YPEL1: variants seen among roughly 807,000 people sequenced by gnomAD.
YPEL1 encodes protein yippee-like 1.
A neutral mutation model predicts 17.3 loss-of-function variants in YPEL1; 7 were observed. That is an observed-to-expected ratio of 0.40 (90% CI 0.23 to 0.76). The LOEUF (loss-of-function observed/expected upper bound fraction) is 0.76. YPEL1 is among the 30% of genes least tolerant of loss of function. The pLI, the probability that YPEL1 is intolerant of heterozygous loss-of-function variation, is 0.35. For synonymous variants in YPEL1, 59 were observed against 59.6 expected (o/e 0.99, Z 0.05); for missense variants, 91 against 155.5 (o/e 0.59, Z 2.21).
rs861810 is a variant in YPEL1 at position 21,708,980 on chromosome 22, A to G, written c.117+1648T>C. ...TGAGCCACCACGCCCAGCTGATACA[A>G]TTTTTAAAACAGCTCATTGATGACC... On this transcript the variant is annotated intron_variant, in intron 2 of 4. Transcript: ENST00000339468. Among the ~76,000 whole-genome samples, 263 of 152,212 alleles carry G rather than the reference A, an allele frequency of 1.7e-3. 2 individuals carry two copies. The highest frequency in any genetic ancestry group is 2.5e-3 in the Non-Finnish European group (169 of 68,000).
intron 1 of YPEL1, among the ~76,000 whole-genome samples, chr22:21,733,802 G>T (rs2068411446): frequency 6.6e-6 from 1 of 152,146 alleles, no homozygotes; most frequent in Non-Finnish European, 1.5e-5. Context: ...AAACCTATAG[G>T]GTAGCCTCTT....
intron 1 of YPEL1, among the ~76,000 whole-genome samples, chr22:21,715,767 T>C (rs930874423): frequency 1.1e-4 from 14 of 125,176 alleles, no homozygotes; most frequent in Admixed American, 3.9e-4. Flanking sequence ...TTTTCTTTTT[T>C]TTTTTTTTTT....
chr22:21,708,202 C>T (rs1427972364), intron 2 of YPEL1, among the ~76,000 whole-genome samples: 1 of 152,020 alleles, frequency 6.6e-6, no homozygotes, highest in African/African-American at 2.4e-5. Context: ...TCGCCCGGCC[C>T]ATCACCCATG....
intron 2 of YPEL1, among the ~76,000 whole-genome samples, chr22:21,705,075 C>T (rs551880890): frequency 1.3e-5 from 2 of 152,188 alleles, no homozygotes; most frequent in Non-Finnish European, 2.9e-5. Context: ...AAGCAATTCT[C>T]CTGCCTCAGC....
In YPEL1 at chr22:21,728,370, C is replaced by T. The variant is rs532249489; in HGVS notation, c.-165+7245G>A. On this transcript the variant is annotated intron_variant, in intron 1 of 4. Transcript: ENST00000339468. ...CCGCCATCACGGAGGGAATGGACAA[C>T]GGATAAAACCACCAGCTCCTGGAAA... Among the ~76,000 whole-genome samples the T allele has an allele frequency of 1.5e-4, 23 of 152,280 alleles. 1 individual carries two copies. In the South Asian group the frequency reaches 2.7e-3, roughly 18 times the overall value.
intron 1 of YPEL1, among the ~76,000 whole-genome samples, chr22:21,713,196 A>T (rs756144409): frequency 3.0e-4 from 46 of 152,222 alleles, no homozygotes; most frequent in Non-Finnish European, 6.5e-4. Flanking sequence ...TATGGGAAAC[A>T]GTATGGTAAT....
intron 2 of YPEL1, among the ~76,000 whole-genome samples, chr22:21,706,084 C>G (rs190567879): frequency 6.7e-6 from 1 of 148,678 alleles, no homozygotes; most frequent in East Asian, 2.0e-4. Context: ...GAGCCAAGAT[C>G]GCGCCATTGC....
chr22:21,715,856 C>T (rs1216971101), intron 1 of YPEL1, among the ~76,000 whole-genome samples: 7 of 150,996 alleles, frequency 4.6e-5, no homozygotes, highest in Non-Finnish European at 8.9e-5. Context: ...CTCCACCTCC[C>T]GGGTTCAAGT....
At position 21,703,828 on chromosome 22, in the gene YPEL1, A is replaced by C; in HGVS notation, c.161+11T>G. 1 of 1,609,142 alleles carries C rather than the reference A, an allele frequency of 6.2e-7. No homozygotes were observed. Among genetic ancestry groups the C allele is most frequent in the Non-Finnish European group, 8.5e-7 (1 of 1,177,766 alleles). Reference sequence around the variant, plus strand: ...CGTGCCGCTCCCCCCGGGCTGAACCAGGGTACTCACACGGAATTGAAGAGG... The same window carrying C: ...CGTGCCGCTCCCCCCGGGCTGAACCCGGGTACTCACACGGAATTGAAGAGG... On this transcript the variant is annotated intron_variant, in intron 3 of 4. Transcript: ENST00000339468. This position sits in a 1 kb window ranked among gnomAD's most constrained non-coding sequence, Gnocchi z 6.1.
chr22:21,718,414 G>A lies in YPEL1; in HGVS notation c.-164-7506C>T, dbSNP rs545282461. 3.2e-3 allele frequency among the ~76,000 whole-genome samples: 487 copies of A among 151,946 alleles called. 1 individual carries two copies. The highest frequency in any genetic ancestry group is 5.2e-3 in the Admixed American group (80 of 15,252). On this transcript the variant is annotated intron_variant, in intron 1 of 4. Coordinates refer to ENST00000339468, the MANE Select transcript of YPEL1 (RefSeq NM_013313.5). ...CAGGAGGTGGAGCTTGCAGTGAGCT[G>A]AGATCGCACCACTGCACTCCAGCCT...
rs531098399 is a variant in YPEL1, at chr22:21,705,738, G to A, written c.118-1856C>T. The stretch of plus-strand genomic sequence containing the variant: ...AACAAACAACAACAACAACAAAAAC[G>A]GGCTGAGGCAGGAGGATTGCTTGAG... On this transcript the variant is annotated intron_variant, in intron 2 of 4. Coordinates refer to ENST00000339468, the MANE Select transcript of YPEL1 (RefSeq NM_013313.5). Among the ~76,000 whole-genome samples the A allele has an allele frequency of 3.3e-5, 5 of 152,208 alleles. No homozygotes were observed. The East Asian group carries it at 5.8e-4, about 18-fold the overall frequency.
intron 1 of YPEL1, among the ~76,000 whole-genome samples, chr22:21,728,705 G>A (rs1385996878): frequency 1.3e-5 from 2 of 152,142 alleles, no homozygotes; most frequent in Non-Finnish European, 2.9e-5. Context: ...TTAGCAGGTT[G>A]GCAATGATTT....
intron 1 of YPEL1, among the ~76,000 whole-genome samples, chr22:21,712,804 T>TA (rs908616157): frequency 5.6e-4 from 84 of 151,134 alleles, no homozygotes; most frequent in East Asian, 2.7e-3. Flanking sequence ...TAGAATATGT[T>TA]AAAAAAAACT....
At chr22:21,715,761 CTTTTTTTTTTTTTT>C (rs746097162) in intron 1 of YPEL1, among the ~76,000 whole-genome samples, 1 of 85,784 alleles carries the variant, frequency 1.2e-5, no homozygotes, top group South Asian at 4.3e-4. Context: ...TTTTTCTTTT[CTTTTTTTTTTTTTT>C]TTTTTGAGAC....
At chr22:21,715,850 A>C (rs1283426702) in intron 1 of YPEL1, among the ~76,000 whole-genome samples, 3 of 128,944 alleles carry the variant, frequency 2.3e-5, no homozygotes, top group African/African-American at 2.9e-5. Flanking sequence ...CACAACCTCC[A>C]CCTCCCGGGT....
Position 21,710,732 on chromosome 22 carries a change from T to C in YPEL1, c.13A>G (p.Thr5Ala). ...TACGCTTGGAAAGTTTTGGACTTTGTCATTTTCACCATCTCTCCTGGGCAC... is the reference window on the plus strand; with the variant it reads ...TACGCTTGGAAAGTTTTGGACTTTGCCATTTTCACCATCTCTCCTGGGCAC... MVKMTKSKTFQAYLP... is the reference protein window; with the variant it reads MVKMAKSKTFQAYLP... The change falls in exon 2 of 5, where the codon ACA becomes GCA. Residue 5 changes from threonine (T) to alanine (A), a missense_variant. By Grantham distance (58) the Thr-to-Ala change is moderately conservative. Coordinates refer to ENST00000339468, the MANE Select transcript of YPEL1 (RefSeq NM_013313.5). 6.2e-7 allele frequency: 1 copy of C among 1,614,200 alleles called. No homozygotes were observed.
Position 21,703,993 on chromosome 22 carries a change from G to A in YPEL1, c.118-111C>T, listed in dbSNP as rs1458353018. ...GCGGCTGTTAGCTGCGCCGGGACGC[G>A]TCACCGGGAGCAGACACCGGCGTCC... On this transcript the variant is annotated intron_variant, in intron 2 of 4. Transcript: ENST00000339468. The surrounding 1 kb of genome is among the most constrained non-coding windows in gnomAD (Gnocchi z 6.1). The A allele has an allele frequency of 8.2e-6, 10 of 1,220,834 alleles. No individual in the cohort carries two copies. The highest frequency in any genetic ancestry group is 4.5e-5 in the African/African-American group (3 of 66,490). 75.6% of individuals were successfully genotyped at this position (1,220,834 alleles called of 1,614,324 possible). A position where few individuals can be genotyped will look rare whatever the true frequency, so the allele number is the denominator to read the frequency against.
chr22:21,707,867 T>G (rs919386638), intron 2 of YPEL1, among the ~76,000 whole-genome samples: 1 of 152,212 alleles, frequency 6.6e-6, no homozygotes, highest in Non-Finnish European at 1.5e-5. Context: ...TTCTAATTAC[T>G]CTGTAAACAG....
chr22:21,735,770 C>A lies in YPEL1; in HGVS notation c.-320G>T, dbSNP rs1367036124. The A allele has an allele frequency of 6.6e-6, 1 of 150,888 alleles. No individual in the cohort carries two copies. The highest frequency in any genetic ancestry group is 1.9e-4 in the East Asian group (1 of 5,144). 9.3% of individuals were successfully genotyped at this position (150,888 alleles called of 1,614,324 possible). On this transcript the variant is annotated 5_prime_UTR_variant, in exon 1 of 5. Transcript: ENST00000339468. Reference sequence around the variant, plus strand: ...GCGAGGCATCCTCCCGCCGCCGCCCCGCGGGCCGCCTGCCCTTTGTTTTGG... The same window carrying A: ...GCGAGGCATCCTCCCGCCGCCGCCCAGCGGGCCGCCTGCCCTTTGTTTTGG...
Sources: allele counts gnomAD v4.1 joint callset (sites outside exome capture counted in the v4.1 genomes callset), GRCh38; gene constraint gnomAD v4.1.1; non-coding constraint Gnocchi (gnomAD v3.1); transcripts MANE v1.5; gene names NCBI Gene and HGNC (gene_info 2026-07-23, HGNC 2026-07-21).